The following CHL1 variants were observed in gnomAD, a reference collection of about 807,000 sequenced individuals.
CHL1 encodes cell adhesion molecule L1 like.
A neutral mutation model predicts 141.9 loss-of-function variants in CHL1; 96 were observed. The ratio of observed to expected loss-of-function variants is 0.68; its 90% CI spans 0.57 to 0.80. CHL1 has a LOEUF of 0.80. Ranked by LOEUF, CHL1 falls within the 30% of genes least tolerant of loss-of-function variation. The probability of loss-of-function intolerance (pLI) is 0.00; values close to 1 mark genes in which losing one functional copy is unlikely to be tolerated. For missense variants in CHL1, 1,820 were observed against 1,457.2 expected, an observed-to-expected ratio of 1.25 and a Z score of -4.05; for synonymous variants, 613 against 502.2, an observed-to-expected ratio of 1.22 and a Z score of -2.95.
chr3:309,009 T>C (rs1699503686), intron 2 of CHL1: 2 of 152,668 alleles, frequency 1.3e-5, no homozygotes, highest in Admixed American at 1.3e-4. Context: ...CGCACTGCTG[T>C]TGCCAAGGTG....
chr3:325,649 C>T (rs1700945666), intron 3 of CHL1, among the ~76,000 whole-genome samples: 1 of 151,768 alleles, frequency 6.6e-6, no homozygotes, highest in South Asian at 2.1e-4. Flanking sequence ...GATTGAATGC[C>T]AATAATTTTA....
intron 7 of CHL1, 138 bp downstream of exon 7, chr3:342,220 A>G (rs1702399305): frequency 1.6e-6 from 1 of 638,280 alleles, no homozygotes; most frequent in Admixed American, 3.2e-5. Context: ...CTTCTTCCAG[A>G]TGAAATAGAC....
chr3:402,550 G>T (rs1290014131), intron 27 of CHL1, among the ~76,000 whole-genome samples: 1 of 152,146 alleles, frequency 6.6e-6, no homozygotes, highest in Non-Finnish European at 1.5e-5. Context: ...TTTAGCACAT[G>T]GGAAACCAGA....
intron 19 of CHL1, among the ~76,000 whole-genome samples, chr3:387,390 A>G (rs190465241): frequency 2.0e-5 from 3 of 152,256 alleles, no homozygotes; most frequent in Admixed American, 2.0e-4. Flanking sequence ...TTCTTTCTTG[A>G]AGAGATTATT....
intron 2 of CHL1, among the ~76,000 whole-genome samples, chr3:313,128 G>A (rs1699887721): frequency 6.6e-6 from 1 of 152,034 alleles, no homozygotes; most frequent in African/African-American, 2.4e-5. Flanking sequence ...ATGGCAGATG[G>A]ACTGTCACTG....
At chr3:241,258 A>C (rs534896640) in intron 1 of CHL1, among the ~76,000 whole-genome samples, 1 of 152,324 alleles carries the variant, frequency 6.6e-6, no homozygotes, top group South Asian at 2.1e-4. Flanking sequence ...TCATAAAATG[A>C]CATGTCTCAA....
intron 2 of CHL1, among the ~76,000 whole-genome samples, chr3:289,330 G>A (rs1261879424): frequency 2.0e-5 from 3 of 152,082 alleles, no homozygotes; most frequent in African/African-American, 7.2e-5. Context: ...CTTAATCCTT[G>A]AAATTATTTG....
At chr3:292,479 A>G (rs1420240931) in intron 2 of CHL1, among the ~76,000 whole-genome samples, 2 of 152,226 alleles carry the variant, frequency 1.3e-5, no homozygotes, top group African/African-American at 2.4e-5. Context: ...CTACAAGACC[A>G]CTGGTGGAAA....
rs367889979 is a variant in CHL1, at chr3:399,449, G to C, written c.3385+301G>C. Reference sequence around the variant, plus strand: ...GAGGTCAGGAGATCGAGACCATCCTGGCCAACATGATGAAACCCCGTCTCT... The same window carrying C: ...GAGGTCAGGAGATCGAGACCATCCTCGCCAACATGATGAAACCCCGTCTCT... On this transcript the variant is annotated intron_variant, in intron 26 of 27. Transcript: ENST00000256509. Among the ~76,000 whole-genome samples the C allele has an allele frequency of 1.4e-4, 22 of 152,152 alleles. 1 individual carries two copies. The East Asian group carries it at 2.7e-3, about 19-fold the overall frequency.
intron 1 of CHL1, among the ~76,000 whole-genome samples, chr3:218,921 C>T (rs532333166): frequency 2.6e-4 from 40 of 152,134 alleles, no homozygotes; most frequent in Non-Finnish European, 4.0e-4. Flanking sequence ...CCAAGACGGG[C>T]GGATCACGAG....
intron 1 of CHL1, among the ~76,000 whole-genome samples, chr3:218,587 TTGA>T (rs1197839923): frequency 2.0e-5 from 3 of 152,206 alleles, no homozygotes; most frequent in Admixed American, 6.5e-5. Context: ...AGCCCATATA[TTGA>T]TGATGTCAAG....
intron 2 of CHL1, among the ~76,000 whole-genome samples, chr3:315,495 T>C (rs1352003667): frequency 6.6e-6 from 1 of 152,186 alleles, no homozygotes; most frequent in Non-Finnish European, 1.5e-5. Flanking sequence ...AAGTTGTTTC[T>C]AGATTTGCCA....
At position 279,754 on chromosome 3, in the gene CHL1, C is replaced by T. The variant is rs577209092; in HGVS notation, c.-95+35062C>T. Among the ~76,000 whole-genome samples the T allele has an allele frequency of 2.6e-5, 4 of 152,196 alleles. No homozygotes were observed. The South Asian group carries it at 8.3e-4, about 32-fold the overall frequency. On this transcript the variant is annotated intron_variant, in intron 2 of 27. Transcript: ENST00000256509. ...ACAATGGAGGGAGGAAAGATAGTAC[C>T]AGAGACAATGAGAGAAGTGGGCAGT... is the stretch of plus-strand genomic sequence containing the variant.
intron 19 of CHL1, among the ~76,000 whole-genome samples, chr3:388,419 T>C (rs1707935091): frequency 6.6e-6 from 1 of 151,892 alleles, no homozygotes; most frequent in African/African-American, 2.4e-5. Context: ...TGGTGGTGCA[T>C]GCCTGTAATC....
rs561365099 is a variant in CHL1 at position 366,167 on chromosome 3, G to T, written c.1751+52G>T. On this transcript the variant is annotated intron_variant, in intron 15 of 27. Coordinates refer to ENST00000256509, the MANE Select transcript of CHL1 (RefSeq NM_006614.4). ...AATATTTGCTTGGGGTAAACAACTT[G>T]CATTTGATTTAAAAAGTTCTAGGTC... is the stretch of plus-strand genomic sequence containing the variant. The T allele has an allele frequency of 1.2e-5, 18 of 1,551,742 alleles. No homozygotes were observed. The East Asian group carries it at 4.1e-4, about 35-fold the overall frequency.
chr3:255,950 G>C (rs1399747752), intron 2 of CHL1, among the ~76,000 whole-genome samples: 2 of 152,156 alleles, frequency 1.3e-5, no homozygotes, highest in African/African-American at 4.8e-5. Context: ...TGTGGATTGA[G>C]GATATTTCTT....
At chr3:389,564 T>G in intron 20 of CHL1, 90 bp downstream of exon 20, 1 of 959,646 alleles carries the variant, frequency 1.0e-6, no homozygotes, top group Non-Finnish European at 1.6e-6. Flanking sequence ...TGTGAACAAC[T>G]ACTGCATGCA....
At position 344,601 on chromosome 3, in the gene CHL1, A is replaced by C; in HGVS notation, c.740A>C (p.Lys247Thr). 6.2e-7 allele frequency: 1 copy of C among 1,610,620 alleles called. No individual in the cohort carries two copies. Among genetic ancestry groups the C allele is most frequent in the Non-Finnish European group, 8.5e-7 (1 of 1,178,594 alleles). Residue 247 changes from lysine to threonine, a missense_variant, in exon 9 of 28, where the codon AAG becomes ACG. Coordinates refer to ENST00000256509, the MANE Select transcript of CHL1 (RefSeq NM_006614.4). Reference sequence around the variant, plus strand: ...TTCTATTTTGTAGCAAATTCCATCAAGCAAAGAAAACCCAAACTGCTGTTG... The same window carrying C: ...TTCTATTTTGTAGCAAATTCCATCACGCAAAGAAAACCCAAACTGCTGTTG... Reference protein sequence around the residue: ...TEIGSKANSIKQRKPKLLLPP... With the variant: ...TEIGSKANSITQRKPKLLLPP...
intron 2 of CHL1, among the ~76,000 whole-genome samples, chr3:294,359 A>G (rs1367280002): frequency 6.6e-6 from 1 of 152,198 alleles, no homozygotes. Context: ...ACGTACTAGA[A>G]TCAAGGGGGT....
Sources: gnomAD v4.1 joint callset for allele counts (sites outside exome capture counted in the v4.1 genomes callset) on GRCh38, gnomAD v4.1.1 for gene constraint, MANE v1.5 for transcripts, NCBI Gene and HGNC (gene_info 2026-07-23, HGNC 2026-07-21) for gene names.